CHN2: variants seen among roughly 807,000 people sequenced by gnomAD.
CHN2 encodes the protein beta-chimaerin.
CHN2 carries 35 observed loss-of-function variants against 56.3 expected under a neutral mutation model. The observed-to-expected ratio is 0.62, with a 90% CI of 0.47 to 0.82. The LOEUF (loss-of-function observed/expected upper bound fraction) is 0.82. Ranked by LOEUF, CHN2 falls within the 40% of genes least tolerant of loss-of-function variation. The probability of loss-of-function intolerance (pLI) is 0.00; values close to 1 mark genes in which losing one functional copy is unlikely to be tolerated. For missense variants in CHN2, 491 were observed against 580.5 expected (o/e 0.85, Z 1.58); for synonymous variants, 210 against 212.8 (o/e 0.99, Z 0.12).
At chr7:29,386,580 T>A (rs1043916433) in intron 3 of CHN2, among the ~76,000 whole-genome samples, 16 of 151,902 alleles carry the variant, frequency 1.1e-4, no homozygotes, top group Admixed American at 8.5e-4. Flanking sequence ...TGTGTTTATC[T>A]AGGCAATGAT....
intron 6 of CHN2, among the ~76,000 whole-genome samples, chr7:29,457,715 A>C (rs1355280253): frequency 1.3e-5 from 2 of 152,230 alleles, no homozygotes; most frequent in Non-Finnish European, 2.9e-5. Context: ...AATTATGAGG[A>C]GAAACCGAGT....
At chr7:29,324,736 C>T (rs1475098462) in intron 1 of CHN2, among the ~76,000 whole-genome samples, 7 of 152,076 alleles carry the variant, frequency 4.6e-5, no homozygotes, top group Admixed American at 1.3e-4. Context: ...TAACCACCCC[C>T]TGCAGGTGGT....
At chr7:29,180,878 T>C (rs1450576015) in intron 2 of CHN2, among the ~76,000 whole-genome samples, 2 of 152,206 alleles carry the variant, frequency 1.3e-5, no homozygotes, top group East Asian at 3.8e-4. Flanking sequence ...ATAATAAGCA[T>C]GACTGCTTGC....
chr7:29,301,899 G>A (rs1230344253), intron 1 of CHN2, among the ~76,000 whole-genome samples: 2 of 151,970 alleles, frequency 1.3e-5, no homozygotes, highest in African/African-American at 2.4e-5. Flanking sequence ...TATCTTCATC[G>A]AAGCCATCTG....
At chr7:29,314,698 T>C (rs1794835541) in intron 1 of CHN2, among the ~76,000 whole-genome samples, 1 of 152,162 alleles carries the variant, frequency 6.6e-6, no homozygotes, top group African/African-American at 2.4e-5. Flanking sequence ...GCATTCAAGA[T>C]GACCATTTAA....
At chr7:29,318,188 A>G (rs191036147) in intron 1 of CHN2, among the ~76,000 whole-genome samples, 1 of 152,300 alleles carries the variant, frequency 6.6e-6, no homozygotes, top group East Asian at 1.9e-4. Context: ...GGAAATGTCT[A>G]GTAGGCAGTT....
chr7:29,195,987 TA>T (rs1269702792), intron 1 of CHN2, among the ~76,000 whole-genome samples: 1 of 152,186 alleles, frequency 6.6e-6, no homozygotes, highest in Non-Finnish European at 1.5e-5. Context: ...TAGGGTAGTA[TA>T]CAGTATTTAA....
intron 1 of CHN2, among the ~76,000 whole-genome samples, chr7:29,247,001 C>A (rs1313170427): frequency 6.6e-6 from 1 of 152,064 alleles, no homozygotes; most frequent in African/African-American, 2.4e-5. Context: ...ATGTGGGGGT[C>A]ATAATGGAGG....
Position 29,228,584 on chromosome 7 carries a change from C to T in CHN2, c.49+33594C>T, listed in dbSNP as rs180670733. ...TCTATGTGAATGTGTAACATGAATA[C>T]GCATCATAAACATATATGTGTGTGT... On this transcript the variant is annotated intron_variant, in intron 1 of 12. Coordinates refer to ENST00000222792, the MANE Select transcript of CHN2 (RefSeq NM_004067.4). Among the ~76,000 whole-genome samples the T allele has an allele frequency of 1.3e-3, 201 of 152,284 alleles. 1 individual carries two copies. The highest frequency in any genetic ancestry group is 2.9e-3 in the Admixed American group (44 of 15,302).
intron 2 of CHN2, chr7:29,184,320 T>C (rs1048644286): frequency 6.6e-6 from 1 of 151,646 alleles, no homozygotes; most frequent in Admixed American, 6.6e-5. Context: ...ATATCTCATA[T>C]CTCATACATC....
chr7:29,458,824 A>AG (rs1244422032), intron 6 of CHN2, among the ~76,000 whole-genome samples: 1 of 152,252 alleles, frequency 6.6e-6, no homozygotes, highest in Non-Finnish European at 1.5e-5. Flanking sequence ...CCACCAAAGA[A>AG]GATACCACAT....
chr7:29,300,202 A>T (rs1793547241), intron 1 of CHN2, among the ~76,000 whole-genome samples: 2 of 152,212 alleles, frequency 1.3e-5, no homozygotes, highest in Admixed American at 1.3e-4. Context: ...GGAATGTGGA[A>T]TTTCTAGCAG....
chr7:29,393,763 G>A, intron 4 of CHN2, 53 bp downstream of exon 4: 1 of 623,828 alleles, frequency 1.6e-6, no homozygotes. Flanking sequence ...GTCATTTCAT[G>A]TGTCATTTAA....
At chr7:29,160,432 T>G (rs901309361) in intron 2 of CHN2, among the ~76,000 whole-genome samples, 16 of 152,196 alleles carry the variant, frequency 1.1e-4, no homozygotes, top group Admixed American at 9.2e-4. Context: ...TGGGCAATAA[T>G]GTACCCAGGA....
intron 1 of CHN2, among the ~76,000 whole-genome samples, chr7:29,300,403 G>A (rs1359710332): frequency 7.9e-5 from 12 of 152,152 alleles, no homozygotes; most frequent in African/African-American, 2.7e-4. Context: ...GGAGGGTGGG[G>A]CAAGGGTCAG....
intron 2 of CHN2, among the ~76,000 whole-genome samples, chr7:29,175,179 CTTT>C (rs141269641): frequency 7.0e-6 from 1 of 142,998 alleles, no homozygotes. Context: ...TTTCTTTTTC[CTTT>C]TTTTTTTTTT....
rs1803387939 is a variant in CHN2, at chr7:29,412,972, T to C, written c.576+12144T>C. On this transcript the variant is annotated intron_variant, in intron 6 of 12. Coordinates refer to ENST00000222792, the MANE Select transcript of CHN2 (RefSeq NM_004067.4). ...CCTGAATAATTCCCATTGCCGTTAA[T>C]GGAAATGAAACTGTCAGGGCTACAT... Among the ~76,000 whole-genome samples the C allele has an allele frequency of 2.0e-5, 3 of 152,170 alleles. No individual in the cohort carries two copies. The South Asian group carries it at 6.2e-4, about 32-fold the overall frequency.
At chr7:29,482,706 C>A (rs1787403417) in intron 7 of CHN2, among the ~76,000 whole-genome samples, 1 of 148,816 alleles carries the variant, frequency 6.7e-6, no homozygotes. Context: ...ATGTGCATAG[C>A]ATATAGTAAG....
At chr7:29,250,106 C>A (rs999002408) in intron 1 of CHN2, among the ~76,000 whole-genome samples, 4 of 152,176 alleles carry the variant, frequency 2.6e-5, no homozygotes, top group African/African-American at 4.8e-5. Flanking sequence ...CTGTTCACTA[C>A]CAGAGACATC....
Sources: gnomAD v4.1 joint callset for allele counts (sites outside exome capture counted in the v4.1 genomes callset) on GRCh38, gnomAD v4.1.1 for gene constraint, MANE v1.5 for transcripts, NCBI Gene and HGNC (gene_info 2026-07-23, HGNC 2026-07-21) for gene names.